Variants in PPFIA2 observed in about 807,000 individuals in gnomAD.
The protein encoded by PPFIA2 is PPFI scaffold protein A2, also known as liprin-alpha-2.
A neutral mutation model predicts 175.5 loss-of-function variants in PPFIA2; 46 were observed. The observed-to-expected ratio is 0.26, with a 90% confidence interval of 0.21 to 0.34. PPFIA2 has a LOEUF of 0.34. PPFIA2 is among the 10% of genes least tolerant of loss of function. PPFIA2 has a pLI of 1.00. For synonymous variants in PPFIA2, 568 were observed against 511.4 expected (o/e 1.11, Z -1.49); for missense variants, 1,179 against 1,506.1 (o/e 0.78, Z 3.60).
chr12:81,728,962 A>T (rs982263055), intron 3 of PPFIA2, among the ~76,000 whole-genome samples: 5 of 151,502 alleles, frequency 3.3e-5, no homozygotes, highest in African/African-American at 1.2e-4. Context: ...GTCAACTCTG[A>T]AAAGATAATA....
chr12:81,699,080 AC>A (rs2076212171), intron 3 of PPFIA2, among the ~76,000 whole-genome samples: 1 of 152,100 alleles, frequency 6.6e-6, no homozygotes, highest in Non-Finnish European at 1.5e-5. Context: ...CTATTATAAA[AC>A]CACAGAAAAA....
intron 22 of PPFIA2, among the ~76,000 whole-genome samples, chr12:81,308,551 A>G (rs1295484192): frequency 6.6e-6 from 1 of 152,208 alleles, no homozygotes; most frequent in Non-Finnish European, 1.5e-5. Context: ...ATAACTGAAA[A>G]ATGAGGATAA....
chr12:81,492,203 C>T (rs2059495852), intron 4 of PPFIA2, among the ~76,000 whole-genome samples: 1 of 151,602 alleles, frequency 6.6e-6, no homozygotes, highest in East Asian at 1.9e-4. Context: ...ACAAAAAAAC[C>T]CACAAAAAGT....
intron 15 of PPFIA2, among the ~76,000 whole-genome samples, chr12:81,361,250 A>C (rs1246804973): frequency 1.3e-5 from 2 of 151,682 alleles, no homozygotes; most frequent in Non-Finnish European, 3.0e-5. Flanking sequence ...ATTCTTAATC[A>C]AATATATTTA....
chr12:81,334,489 CAAAAA>C (rs34576372), intron 21 of PPFIA2, among the ~76,000 whole-genome samples: 1 of 145,848 alleles, frequency 6.9e-6, no homozygotes, highest in African/African-American at 2.5e-5. Context: ...CTCCCTCCAC[CAAAAA>C]AAAAAAAAAA....
At chr12:81,534,524 T>C (rs1255484230) in intron 4 of PPFIA2, among the ~76,000 whole-genome samples, 1 of 151,692 alleles carries the variant, frequency 6.6e-6, no homozygotes, top group Non-Finnish European at 1.5e-5. Context: ...CTCTTGGAAA[T>C]TATACTGGTT....
chr12:81,623,753 C>T (rs2062349644), intron 4 of PPFIA2, among the ~76,000 whole-genome samples: 1 of 151,782 alleles, frequency 6.6e-6, no homozygotes, highest in Admixed American at 6.6e-5. Context: ...AAAGTATTAG[C>T]ACTCAATTTT....
chr12:81,450,770 G>T (rs1166101834), intron 5 of PPFIA2, among the ~76,000 whole-genome samples: 1 of 152,014 alleles, frequency 6.6e-6, no homozygotes, highest in African/African-American at 2.4e-5. Flanking sequence ...TATGGTTTTA[G>T]GTCTAACATT....
At chr12:81,306,513 TTTTGTTTG>T (rs796634804) in intron 22 of PPFIA2, among the ~76,000 whole-genome samples, 2 of 151,528 alleles carry the variant, frequency 1.3e-5, no homozygotes, top group African/African-American at 2.4e-5. Flanking sequence ...TCTTACTGTT[TTTTGTTTG>T]TTTGTTTGTT....
intron 21 of PPFIA2, among the ~76,000 whole-genome samples, chr12:81,332,642 T>C (rs1333700731): frequency 1.3e-5 from 2 of 152,326 alleles, no homozygotes; most frequent in East Asian, 3.9e-4. Flanking sequence ...CAAGATGTTA[T>C]ATACTTCTTG....
At chr12:81,437,084 C>T (rs1288181361) in intron 7 of PPFIA2, among the ~76,000 whole-genome samples, 1 of 152,122 alleles carries the variant, frequency 6.6e-6, no homozygotes, top group Non-Finnish European at 1.5e-5. Context: ...ACCACACTGC[C>T]TATAGGAGAT....
intron 4 of PPFIA2, among the ~76,000 whole-genome samples, chr12:81,532,220 T>C (rs2064673657): frequency 6.6e-6 from 1 of 151,894 alleles, no homozygotes; most frequent in Non-Finnish European, 1.5e-5. Context: ...CTGTAGACTT[T>C]GCAGCTGGAA....
chr12:81,296,318 CA>C (rs1253836984), intron 23 of PPFIA2, among the ~76,000 whole-genome samples: 1 of 152,064 alleles, frequency 6.6e-6, no homozygotes, highest in East Asian at 1.9e-4. Flanking sequence ...AACTCTGTCT[CA>C]AAAAAGAAAA....
intron 23 of PPFIA2, among the ~76,000 whole-genome samples, chr12:81,296,125 G>T (rs989623084): frequency 6.6e-6 from 1 of 152,078 alleles, no homozygotes; most frequent in Non-Finnish European, 1.5e-5. Context: ...GGGCAACATG[G>T]TGAAACTCTG....
rs537829537 is a variant in PPFIA2, at chr12:81,264,780, C to T, written c.3556-1390G>A. On this transcript the variant is annotated intron_variant, in intron 30 of 32. Transcript: ENST00000549396. Reference sequence around the variant, plus strand: ...GCCATTTTGCACATTAAGAGATGTCCGCTACTCTTCCCAACTGCTGTGTTT... The same window carrying T: ...GCCATTTTGCACATTAAGAGATGTCTGCTACTCTTCCCAACTGCTGTGTTT... 1.6e-3 allele frequency among the ~76,000 whole-genome samples: 236 copies of T among 152,222 alleles called. 1 individual carries two copies. The highest frequency in any genetic ancestry group is 5.2e-3 in the African/African-American group (217 of 41,522).
In PPFIA2 at chr12:81,749,671, A is replaced by G. The variant is rs1464753065; in HGVS notation, c.249+4302T>C. Among the ~76,000 whole-genome samples, 3 of 144,490 alleles carry G rather than the reference A, an allele frequency of 2.1e-5. 1 individual carries two copies. The highest frequency in any genetic ancestry group is 3.1e-5 in the Non-Finnish European group (2 of 64,422). The allele number at this position is 144,490 out of a possible 152,430, so 94.8% of individuals were successfully genotyped here. On this transcript the variant is annotated intron_variant, in intron 3 of 32. Transcript: ENST00000549396. ...ATGATCATCTTTTAGCATTCTGGAT[A>G]AAACAAATGCAAGTAATTCCATATT... is the stretch of plus-strand genomic sequence containing the variant.
In PPFIA2 at chr12:81,520,426, C is replaced by T. The variant is rs1389664728; in HGVS notation, c.304-62560G>A. ...TAATATTTTTGAGCCGTACAACTGA[C>T]CTTAGGTAACCGAAACCACAATACT... On this transcript the variant is annotated intron_variant, in intron 4 of 32. Transcript: ENST00000549396. 3.3e-5 allele frequency among the ~76,000 whole-genome samples: 5 copies of T among 152,116 alleles called. No individual in the cohort carries two copies. In the East Asian group the frequency reaches 9.6e-4, roughly 29 times the overall value.
At chr12:81,367,009 T>C in intron 14 of PPFIA2, 99 bp downstream of exon 14, 1 of 1,264,254 alleles carries the variant, frequency 7.9e-7, no homozygotes, top group Non-Finnish European at 1.0e-6. Flanking sequence ...GATAGCATAC[T>C]AAAATTATTT....
chr12:81,632,136 G>A (rs142571629), intron 4 of PPFIA2, among the ~76,000 whole-genome samples: 56 of 152,206 alleles, frequency 3.7e-4, no homozygotes, highest in African/African-American at 1.3e-3. Context: ...AAATGCAGAA[G>A]TGAGAACTTG....
Sources: allele counts gnomAD v4.1 joint callset (sites outside exome capture counted in the v4.1 genomes callset), GRCh38; gene constraint gnomAD v4.1.1; transcripts MANE v1.5; gene names NCBI Gene and HGNC (gene_info 2026-07-23, HGNC 2026-07-21).